TRPC5: variants seen among roughly 807,000 people sequenced by gnomAD.
TRPC5 encodes the protein short transient receptor potential channel 5.
A neutral mutation model predicts 56.5 loss-of-function variants in TRPC5; 9 were observed. That is an observed-to-expected ratio of 0.16 (90% CI 0.10 to 0.28). The LOEUF is 0.28. Among genes scored for constraint, TRPC5 ranks in the 10% least tolerant of loss-of-function variants. The pLI is 1.00. For missense variants in TRPC5, 469 were observed against 748.9 expected (o/e 0.63, Z 4.36); for synonymous variants, 282 against 278.5 (o/e 1.01, Z -0.13).
intron 3 of TRPC5, among the ~76,000 whole-genome samples, chrX:111,873,564 CCT>C (rs1453827418): frequency 1.8e-5 from 2 of 110,859 alleles, no homozygotes; most frequent in Non-Finnish European, 3.8e-5. Context: ...GGGTGGATTA[CCT>C]GAGGTCAGGA....
chrX:112,035,958 C>CATATATAT (rs201536175), intron 1 of TRPC5, among the ~76,000 whole-genome samples: 1 of 108,588 alleles, frequency 9.2e-6, no homozygotes, highest in African/African-American at 3.4e-5. Context: ...TACACACACA[C>CATATATAT]ATATATATAT....
intron 1 of TRPC5, among the ~76,000 whole-genome samples, chrX:111,994,808 G>C (rs1928473723): frequency 8.9e-6 from 1 of 111,945 alleles, no homozygotes; most frequent in African/African-American, 3.2e-5. Flanking sequence ...TTTGGGCTGA[G>C]ACGATGGGGT....
intron 3 of TRPC5, among the ~76,000 whole-genome samples, chrX:111,875,572 CTTT>C (rs771241425): frequency 1.5e-3 from 108 of 70,457 alleles, no homozygotes; most frequent in African/African-American, 5.6e-3. Flanking sequence ...TTTTTTCTTT[CTTT>C]TTTTTTTTTT....
At chrX:112,036,802 T>G (rs1253974299) in intron 1 of TRPC5, among the ~76,000 whole-genome samples, 2 of 111,519 alleles carry the variant, frequency 1.8e-5, no homozygotes, top group African/African-American at 6.5e-5. Flanking sequence ...TTTGTAAGGC[T>G]TGGCTTGAGA....
chrX:111,949,033 G>C (rs5942760), intron 2 of TRPC5, among the ~76,000 whole-genome samples: 32,502 of 111,227 alleles, frequency 0.29, 6,614 homozygotes, highest in African/African-American at 0.74. Context: ...GATGACAGCT[G>C]CAAGAGATTA....
At chrX:111,779,437 G>C (rs1009474521) in intron 9 of TRPC5, among the ~76,000 whole-genome samples, 1 of 111,794 alleles carries the variant, frequency 8.9e-6, no homozygotes, top group African/African-American at 3.3e-5. Context: ...TTATAAAATT[G>C]AGAGTTTTCT....
chrX:111,850,692 C>T (rs779938524), intron 5 of TRPC5, among the ~76,000 whole-genome samples: 29 of 112,144 alleles, frequency 2.6e-4, no homozygotes, highest in South Asian at 2.3e-3. Flanking sequence ...GGCATTTACC[C>T]AGCTTAATAG....
chrX:111,818,689 C>T (rs1016292805), intron 7 of TRPC5, among the ~76,000 whole-genome samples: 20 of 106,683 alleles, frequency 1.9e-4, no homozygotes, highest in East Asian at 3.0e-4. Flanking sequence ...CTGCAACCTC[C>T]GCCTCCCAGG....
At chrX:111,943,705 CCCTGTTGCTCAAAT>C (rs749036208) in intron 2 of TRPC5, among the ~76,000 whole-genome samples, 1 of 112,297 alleles carries the variant, frequency 8.9e-6, no homozygotes, top group Non-Finnish European at 1.9e-5. Context: ...AGCTCTACCT[CCCTGTTGCTCAAAT>C]CCTTAGACTC....
intron 1 of TRPC5, among the ~76,000 whole-genome samples, chrX:111,953,815 T>G (rs1163656831): frequency 2.7e-5 from 3 of 112,525 alleles, no homozygotes; most frequent in Non-Finnish European, 5.6e-5. Flanking sequence ...GAGGCCTACC[T>G]TATATCAAGT....
chrX:111,776,643 C>A lies in TRPC5; in HGVS notation c.2592G>T (p.Met864Ile), dbSNP rs929882755. The change falls in exon 11 of 11, where the codon ATG becomes ATT. Residue 864 changes from methionine (M) to isoleucine (I), a missense_variant. Coordinates refer to ENST00000262839, the MANE Select transcript of TRPC5 (RefSeq NM_012471.3). Reference sequence around the variant, plus strand: ...GAACAATTCCATCAGAAATTGTGTACATTGGCTCTGAACTGGGTTCAGACA... The same window carrying A: ...GAACAATTCCATCAGAAATTGTGTAAATTGGCTCTGAACTGGGTTCAGACA... ...GHMSEPSSEP[M>I]YTISDGIVQQ... The A allele has an allele frequency of 8.3e-7, 1 of 1,211,780 alleles. No individual in the cohort carries two copies. Among genetic ancestry groups the A allele is most frequent in the African/African-American group, 1.7e-5 (1 of 57,788 alleles).
At chrX:112,046,039 G>T (rs1930010932) in intron 1 of TRPC5, among the ~76,000 whole-genome samples, 1 of 110,202 alleles carries the variant, frequency 9.1e-6, no homozygotes, top group Non-Finnish European at 1.9e-5. Context: ...GATGCCAGGG[G>T]TGCTGCCAAA....
At position 111,784,598 on chromosome X, in the gene TRPC5, C is replaced by T. The variant is rs183990942; in HGVS notation, c.1897-2460G>A. On this transcript the variant is annotated intron_variant, in intron 7 of 10. Coordinates refer to ENST00000262839, the MANE Select transcript of TRPC5 (RefSeq NM_012471.3). ...GACAGTGGGTGCAGCCCACAGAGGGCGAGCTGAAGCAGAGCAGGGTGTCAC... is the reference window on the plus strand; with the variant it reads ...GACAGTGGGTGCAGCCCACAGAGGGTGAGCTGAAGCAGAGCAGGGTGTCAC... Among the ~76,000 whole-genome samples the T allele has an allele frequency of 1.6e-3, 179 of 111,977 alleles. 1 individual carries two copies. The highest frequency in any genetic ancestry group is 5.5e-3 in the African/African-American group (168 of 30,820).
At chrX:111,929,403 T>C (rs1389734808) in intron 2 of TRPC5, among the ~76,000 whole-genome samples, 1 of 112,606 alleles carries the variant, frequency 8.9e-6, no homozygotes, top group African/African-American at 3.2e-5. Flanking sequence ...TTTAACTCTT[T>C]CTGAGGCTAG....
At chrX:111,785,734 C>T (rs761015449) in intron 7 of TRPC5, among the ~76,000 whole-genome samples, 1 of 111,722 alleles carries the variant, frequency 9.0e-6, no homozygotes, top group Non-Finnish European at 1.9e-5. Context: ...CCTGATGGAG[C>T]TGAAAACCAT....
intron 3 of TRPC5, among the ~76,000 whole-genome samples, chrX:111,863,153 G>A (rs1437069781): frequency 9.0e-6 from 1 of 111,424 alleles, no homozygotes; most frequent in African/African-American, 3.3e-5. Flanking sequence ...TGTAAGGTGG[G>A]AAAAAGGAAA....
intron 2 of TRPC5, among the ~76,000 whole-genome samples, chrX:111,944,267 A>AGTGTGTGTGTGTGT (rs36057312): frequency 5.6e-5 from 4 of 71,723 alleles, no homozygotes; most frequent in African/African-American, 1.2e-4. Flanking sequence ...GGAGTAGAAG[A>AGTGTGTGTGTGTGT]GTGTGTGTGT....
At chrX:111,860,200 G>A (rs377724050) in intron 3 of TRPC5, among the ~76,000 whole-genome samples, 1 of 112,662 alleles carries the variant, frequency 8.9e-6, no homozygotes, top group African/African-American at 3.2e-5. Context: ...GAGCCACTAC[G>A]CCTGGCCTAC....
intron 1 of TRPC5, among the ~76,000 whole-genome samples, chrX:112,043,956 T>G (rs1929961471): frequency 9.4e-6 from 1 of 106,182 alleles, no homozygotes; most frequent in Admixed American, 9.8e-5. Context: ...TTAGTTTAAT[T>G]GCAGTTAGCA....
Sources: allele counts gnomAD v4.1 joint callset (sites outside exome capture counted in the v4.1 genomes callset), GRCh38; gene constraint gnomAD v4.1.1; transcripts MANE v1.5; gene names NCBI Gene and HGNC (gene_info 2026-07-23, HGNC 2026-07-21).